PCDHGA9: variants seen among roughly 807,000 people sequenced by gnomAD.
The protein encoded by PCDHGA9 is protocadherin gamma subfamily A, 9.
In PCDHGA9, 37 loss-of-function variants were observed where a neutral mutation model predicts 62.5. That is an observed-to-expected ratio of 0.59 (90% CI 0.46 to 0.78). The LOEUF (loss-of-function observed/expected upper bound fraction) is 0.78, where lower values mean the gene tolerates loss of function less well. Ranked by LOEUF, PCDHGA9 falls within the 30% of genes least tolerant of loss-of-function variation. The probability of loss-of-function intolerance (pLI) is 0.00; values close to 1 mark genes in which losing one functional copy is unlikely to be tolerated. For missense variants in PCDHGA9, 1,138 were observed against 1,166.2 expected, an observed-to-expected ratio of 0.98 and a Z score of 0.35; for synonymous variants, 459 against 484.6, an observed-to-expected ratio of 0.95 and a Z score of 0.69.
chr5:141,422,842 G>A (rs756990417), intron 1 of PCDHGA9: 5 of 1,614,228 alleles, frequency 3.1e-6, no homozygotes, highest in South Asian at 1.1e-5. Flanking sequence ...ACGTGACAGC[G>A]GGGACCCGCC....
At position 141,404,443 on chromosome 5, in the gene PCDHGA9, A is replaced by G; in HGVS notation, c.1491A>G (p.Gln497=). The G allele has an allele frequency of 6.2e-7, 1 of 1,613,468 alleles. No individual in the cohort carries two copies. The highest frequency in any genetic ancestry group is 2.2e-5 in the East Asian group (1 of 44,886). The change falls in exon 1 of 4, where the codon CAA becomes CAG. Residue 497 remains glutamine (Q), a synonymous_variant. Coordinates refer to ENST00000573521, the MANE Select transcript of PCDHGA9 (RefSeq NM_018921.3). The part of the protein sequence containing the change: ...VIYSLAEDTI[Q]GSPLSTYVSI... ...ACTCCTTGGCAGAGGATACCATCCAAGGGTCTCCTCTCTCCACCTATGTCT... is the reference window on the plus strand; with the variant it reads ...ACTCCTTGGCAGAGGATACCATCCAGGGGTCTCCTCTCTCCACCTATGTCT...
intron 1 of PCDHGA9, chr5:141,422,139 A>G (rs2096627272): frequency 6.3e-7 from 1 of 1,588,154 alleles, no homozygotes. Context: ...AAGTTCAAGT[A>G]CGGGGGTCTC....
chr5:141,502,661 T>G (rs1440361647), intron 2 of PCDHGA9, among the ~76,000 whole-genome samples: 1 of 152,240 alleles, frequency 6.6e-6, no homozygotes. Flanking sequence ...CAACCCTTCA[T>G]GCAATTTTAG....
intron 1 of PCDHGA9, among the ~76,000 whole-genome samples, chr5:141,438,771 C>T (rs1056879944): frequency 1.3e-5 from 2 of 149,126 alleles, no homozygotes; most frequent in Non-Finnish European, 3.0e-5. Flanking sequence ...AAGCGATTCT[C>T]CTGCCTCAGC....
chr5:141,420,080 C>T (rs754438863), intron 1 of PCDHGA9: 2 of 1,614,010 alleles, frequency 1.2e-6, no homozygotes, highest in Non-Finnish European at 1.7e-6. Context: ...TGTGGGTCCC[C>T]CCAACTACAG....
intron 1 of PCDHGA9, among the ~76,000 whole-genome samples, chr5:141,465,280 C>T (rs922029628): frequency 7.2e-5 from 11 of 151,990 alleles, no homozygotes; most frequent in Non-Finnish European, 1.5e-4. Flanking sequence ...TTAGTTCACC[C>T]CTAAAGAACT....
At chr5:141,510,525 G>A (rs545854649) in intron 3 of PCDHGA9, among the ~76,000 whole-genome samples, 1 of 152,316 alleles carries the variant, frequency 6.6e-6, no homozygotes, top group African/African-American at 2.4e-5. Context: ...ACAGCCCTGA[G>A]AGAAATACCA....
chr5:141,446,408 C>A (rs1211716327), intron 1 of PCDHGA9, among the ~76,000 whole-genome samples: 1 of 151,898 alleles, frequency 6.6e-6, no homozygotes, highest in African/African-American at 2.4e-5. Flanking sequence ...GAGTTGAGTT[C>A]CAGCCATGTT....
chr5:141,423,300 G>T, intron 1 of PCDHGA9: 2 of 1,614,146 alleles, frequency 1.2e-6, no homozygotes, highest in African/African-American at 1.3e-5. Context: ...CAGACCTCTC[G>T]CTGTACTTGG....
intron 1 of PCDHGA9, among the ~76,000 whole-genome samples, chr5:141,437,450 G>A (rs2097885331): frequency 6.6e-6 from 1 of 152,148 alleles, no homozygotes; most frequent in Non-Finnish European, 1.5e-5. Context: ...GAATGTTGAG[G>A]AGACTATACT....
chr5:141,464,519 A>G (rs974292961), intron 1 of PCDHGA9, among the ~76,000 whole-genome samples: 21 of 152,058 alleles, frequency 1.4e-4, no homozygotes, highest in African/African-American at 4.1e-4. Context: ...AGGTAAAGGC[A>G]TATGTAGTTT....
intron 1 of PCDHGA9, chr5:141,417,544 C>A: frequency 3.2e-6 from 1 of 308,860 alleles, no homozygotes; most frequent in Non-Finnish European, 5.9e-6. Context: ...AAAAAAATTC[C>A]TTGAAAGAGG....
chr5:141,490,445 A>G lies in PCDHGA9; in HGVS notation c.2425-4362A>G, dbSNP rs2099700298. 6.2e-7 allele frequency: 1 copy of G among 1,614,022 alleles called. No individual in the cohort carries two copies. The highest frequency in any genetic ancestry group is 8.5e-7 in the Non-Finnish European group (1 of 1,180,030). ...CCATTTCAGATTAAGCCTTCTGAGA[A>G]CCACTACTCGCTGCTAACCAGCCAG... On this transcript the variant is annotated intron_variant, in intron 1 of 3. Coordinates refer to ENST00000573521, the MANE Select transcript of PCDHGA9 (RefSeq NM_018921.3). The surrounding 1 kb of genome is among the most constrained non-coding windows in gnomAD (Gnocchi z 5.4).
intron 1 of PCDHGA9, chr5:141,409,628 G>A (rs367728235): frequency 1.2e-6 from 2 of 1,613,730 alleles, no homozygotes; most frequent in Non-Finnish European, 1.7e-6. Context: ...GCAAGTGAGC[G>A]CCTCTGACCC....
intron 1 of PCDHGA9, chr5:141,423,469 C>G: frequency 3.1e-6 from 5 of 1,613,948 alleles, no homozygotes; most frequent in Non-Finnish European, 4.2e-6. Flanking sequence ...GGACGGGGTA[C>G]AGGCTTTCCT....
intron 1 of PCDHGA9, among the ~76,000 whole-genome samples, chr5:141,438,587 C>CATAT (rs1372372472): frequency 2.7e-5 from 2 of 73,430 alleles, no homozygotes; most frequent in Non-Finnish European, 5.2e-5. Context: ...TACATACATA[C>CATAT]ATACATATAT....
intron 1 of PCDHGA9, among the ~76,000 whole-genome samples, chr5:141,443,656 A>G (rs139300845): frequency 1.3e-5 from 2 of 152,374 alleles, no homozygotes; most frequent in East Asian, 3.8e-4. Flanking sequence ...TTAGCATAGC[A>G]TTTTACTGAA....
At position 141,491,828 on chromosome 5, in the gene PCDHGA9, G is replaced by C. The variant is rs1389234164; in HGVS notation, c.2425-2979G>C. ...CTTGGTCGCTGGCTGCGCTCCACCC[G>C]ATTCTCGGGATCATTGGACCGTTTG... On this transcript the variant is annotated intron_variant, in intron 1 of 3. Coordinates refer to ENST00000573521, the MANE Select transcript of PCDHGA9 (RefSeq NM_018921.3). The surrounding 1 kb of genome is among the most constrained non-coding windows in gnomAD (Gnocchi z 6.9). 4.1e-6 allele frequency: 6 copies of C among 1,475,668 alleles called. No homozygotes were observed. The highest frequency in any genetic ancestry group is 5.4e-6 in the Non-Finnish European group (6 of 1,113,522). 91.4% of individuals were successfully genotyped at this position (1,475,668 alleles called of 1,614,324 possible).
At chr5:141,423,722 GT>G in intron 1 of PCDHGA9, 1 of 954,176 alleles carries the variant, frequency 1.0e-6, no homozygotes, top group Admixed American at 5.1e-5. Flanking sequence ...TTAAGGAGAT[GT>G]TTTTTGAGCC....
Sources: allele counts gnomAD v4.1 joint callset (sites outside exome capture counted in the v4.1 genomes callset), GRCh38; gene constraint gnomAD v4.1.1; non-coding constraint Gnocchi (gnomAD v3.1); transcripts MANE v1.5; gene names NCBI Gene and HGNC (gene_info 2026-07-23, HGNC 2026-07-21).